ATF6: variants seen among roughly 807,000 people sequenced by gnomAD.
ATF6 encodes the protein activating transcription factor 6, also known as cyclic AMP-dependent transcription factor ATF-6 alpha.
Under a neutral mutation model 83.6 loss-of-function variants are expected in ATF6, and 53 were observed. That is an observed-to-expected ratio of 0.63 (90% confidence interval 0.51 to 0.80). The LOEUF is 0.80. Among genes scored for constraint, ATF6 ranks in the 30% least tolerant of loss-of-function variants. ATF6 has a pLI of 0.00. For synonymous variants in ATF6, 288 were observed against 285.8 expected (o/e 1.01, Z -0.08); for missense variants, 744 against 797.9 (o/e 0.93, Z 0.81).
chr1:161,779,170 T>C (rs1288953493), intron 2 of ATF6, among the ~76,000 whole-genome samples: 1 of 152,236 alleles, frequency 6.6e-6, no homozygotes. Flanking sequence ...CTCCATGAGA[T>C]ACTTTAGAAT....
At chr1:161,769,666 T>C (rs1384361081) in intron 1 of ATF6, among the ~76,000 whole-genome samples, 1 of 152,152 alleles carries the variant, frequency 6.6e-6, no homozygotes, top group East Asian at 1.9e-4. Context: ...GTGGGAGCCC[T>C]GAGCTTGTTT....
At chr1:161,829,189 CT>C (rs35619050) in intron 9 of ATF6, among the ~76,000 whole-genome samples, 239 of 72,600 alleles carry the variant, frequency 3.3e-3, no homozygotes, top group Middle Eastern at 0.021. Flanking sequence ...TAATGGGAGA[CT>C]TTTTTTTTTT....
intron 14 of ATF6, among the ~76,000 whole-genome samples, chr1:161,907,751 AT>A (rs1558020084): frequency 6.6e-6 from 1 of 152,206 alleles, no homozygotes; most frequent in African/African-American, 2.4e-5. Flanking sequence ...ATTTGATTAT[AT>A]TAATGTGCAC....
chr1:161,942,910 CA>C (rs1688677377), intron 15 of ATF6, among the ~76,000 whole-genome samples: 2 of 152,304 alleles, frequency 1.3e-5, no homozygotes, highest in South Asian at 4.1e-4. Flanking sequence ...GGCTGGAGTG[CA>C]GTGGCGCAAT....
chr1:161,946,889 C>A (rs759508412), intron 15 of ATF6, among the ~76,000 whole-genome samples: 7 of 152,202 alleles, frequency 4.6e-5, no homozygotes, highest in Non-Finnish European at 1.0e-4. Flanking sequence ...CTTTCCTAAG[C>A]AAGTAAGATA....
intron 9 of ATF6, among the ~76,000 whole-genome samples, chr1:161,842,217 G>A (rs1373450553): frequency 6.6e-6 from 1 of 152,140 alleles, no homozygotes; most frequent in African/African-American, 2.4e-5. Context: ...TAGGAAAGAT[G>A]TGAAAAACAG....
intron 7 of ATF6, among the ~76,000 whole-genome samples, chr1:161,807,714 T>A (rs1685325834): frequency 6.6e-6 from 1 of 152,144 alleles, no homozygotes; most frequent in Non-Finnish European, 1.5e-5. Context: ...CAGTTTCATT[T>A]GAGGTTACAG....
At chr1:161,877,132 C>T (rs1687231844) in intron 14 of ATF6, among the ~76,000 whole-genome samples, 1 of 151,794 alleles carries the variant, frequency 6.6e-6, no homozygotes, top group African/African-American at 2.4e-5. Context: ...TCATAGAAGG[C>T]TTGTTTCTCT....
At chr1:161,858,097 ACCCTGT>A (rs1445122286) in intron 12 of ATF6, among the ~76,000 whole-genome samples, 3 of 152,180 alleles carry the variant, frequency 2.0e-5, no homozygotes, top group African/African-American at 7.2e-5. Context: ...ACAAAGCAAG[ACCCTGT>A]GTCTTAAAAA....
chr1:161,920,989 C>T (rs1325646528), intron 15 of ATF6, among the ~76,000 whole-genome samples: 1 of 151,976 alleles, frequency 6.6e-6, no homozygotes, highest in Non-Finnish European at 1.5e-5. Context: ...CCTCGGCCTC[C>T]CAAGGTGCTG....
At chr1:161,768,766 G>C (rs942041430) in intron 1 of ATF6, among the ~76,000 whole-genome samples, 1 of 152,002 alleles carries the variant, frequency 6.6e-6, no homozygotes, top group Admixed American at 6.6e-5. Context: ...TAGAGACAGG[G>C]GTCTTGCTGT....
At chr1:161,894,521 CTTTTTTTTTTTTTTTTT>C (rs71093131) in intron 14 of ATF6, among the ~76,000 whole-genome samples, 7 of 44,866 alleles carry the variant, frequency 1.6e-4, no homozygotes, top group African/African-American at 4.0e-4. Flanking sequence ...GTTTTGTAGT[CTTTTTTTTTTTTTTTTT>C]TTTTTTTTTT....
intron 9 of ATF6, among the ~76,000 whole-genome samples, chr1:161,832,942 C>T (rs1323195018): frequency 1.3e-5 from 2 of 152,182 alleles, no homozygotes; most frequent in East Asian, 1.9e-4. Context: ...GATCTGAGAA[C>T]GGGCAGGCTG....
At chr1:161,882,701 C>T (rs529399937) in intron 14 of ATF6, among the ~76,000 whole-genome samples, 5 of 144,574 alleles carry the variant, frequency 3.5e-5, no homozygotes, top group South Asian at 2.2e-4. Context: ...TAGTGGGGGT[C>T]GATACAGCTT....
intron 15 of ATF6, among the ~76,000 whole-genome samples, chr1:161,917,436 T>C (rs78107934): frequency 6.6e-6 from 1 of 151,968 alleles, no homozygotes; most frequent in Non-Finnish European, 1.5e-5. Context: ...TTTTTTTTTT[T>C]TGAAGGCAGA....
chr1:161,887,492 A>T (rs897162225), intron 14 of ATF6, among the ~76,000 whole-genome samples: 1 of 152,178 alleles, frequency 6.6e-6, no homozygotes, highest in African/African-American at 2.4e-5. Context: ...TGTAAAGGGG[A>T]TAATTGTTAT....
At chr1:161,829,119 C>A (rs556124878) in intron 9 of ATF6, among the ~76,000 whole-genome samples, 132 of 151,266 alleles carry the variant, frequency 8.7e-4, no homozygotes, top group African/African-American at 3.0e-3. Flanking sequence ...GCGGGAGCAC[C>A]CAGATTCATA....
chr1:161,921,995 C>CTGTTTGTTTGTT (rs4039613), intron 15 of ATF6, among the ~76,000 whole-genome samples: 2 of 151,344 alleles, frequency 1.3e-5, no homozygotes, highest in Non-Finnish European at 2.9e-5. Flanking sequence ...CTTGTTTTCC[C>CTGTTTGTTTGTT]TGTTTGTTTG....
intron 14 of ATF6, among the ~76,000 whole-genome samples, chr1:161,880,283 T>C (rs1044938759): frequency 9.2e-5 from 14 of 152,180 alleles, no homozygotes; most frequent in Admixed American, 2.6e-4. Context: ...AATTGACATA[T>C]AATAAACTGC....
Sources: allele counts gnomAD v4.1 joint callset (sites outside exome capture counted in the v4.1 genomes callset), GRCh38; gene constraint gnomAD v4.1.1; transcripts MANE v1.5; gene names NCBI Gene and HGNC (gene_info 2026-07-23, HGNC 2026-07-21).